The following MGA variants were observed in gnomAD, a reference collection of about 807,000 sequenced individuals.
MGA encodes MAX dimerization protein MGA.
MGA carries 40 observed loss-of-function variants against 261.1 expected under a neutral mutation model. The observed-to-expected ratio is 0.15, with a 90% CI of 0.12 to 0.20. The LOEUF is 0.20. MGA is among the 10% of genes least tolerant of loss of function. The pLI is 1.00. For missense variants in MGA, 3,397 were observed against 3,630.5 expected (o/e 0.94, Z 1.65); for synonymous variants, 1,302 against 1,290.6 (o/e 1.01, Z -0.19).
chr15:41,731,089 C>T (rs915345631), intron 11 of MGA, among the ~76,000 whole-genome samples: 1 of 152,102 alleles, frequency 6.6e-6, no homozygotes, highest in Admixed American at 6.6e-5. Context: ...TTAAGGGCAG[C>T]ATTAATGCCA....
chr15:41,707,860 G>C lies in MGA; in HGVS notation c.2320+1G>C. On this transcript the variant is annotated splice_donor_variant, in intron 6 of 23. Transcript: ENST00000219905. LOFTEE classifies it high-confidence loss of function. ...ACAGGAACCAACCCTGCCTCTCCTG[G>C]TGAGTATGTAACATTTGTAAAGTCA... The C allele has an allele frequency of 6.2e-7, 1 of 1,608,112 alleles. No individual in the cohort carries two copies. Among genetic ancestry groups the C allele is most frequent in the Non-Finnish European group, 8.5e-7 (1 of 1,178,306 alleles).
intron 14 of MGA, 121 bp from the exon 15 acceptor site, chr15:41,742,425 A>G: frequency 8.6e-7 from 1 of 1,159,718 alleles, no homozygotes; most frequent in Non-Finnish European, 1.2e-6. Context: ...CAAATAATAC[A>G]GGTAGGTAGT....
chr15:41,754,667 C>A, intron 18 of MGA, 100 bp downstream of exon 18: 1 of 1,305,236 alleles, frequency 7.7e-7, no homozygotes, highest in Non-Finnish European at 1.0e-6. Context: ...CATCTGGTTC[C>A]TTCTTCCTCT....
intron 1 of MGA, among the ~76,000 whole-genome samples, chr15:41,628,442 T>C (rs2056510595): frequency 6.8e-6 from 1 of 146,414 alleles, no homozygotes; most frequent in Non-Finnish European, 1.5e-5. Context: ...GGTTTGGTGG[T>C]TCTTTTAGGT....
chr15:41,695,947 T>A, intron 2 of MGA, 128 bp from the exon 3 acceptor site: 1 of 705,648 alleles, frequency 1.4e-6, no homozygotes, highest in Non-Finnish European at 2.3e-6. Context: ...TTTGAGTGTT[T>A]TTGAGGAATG....
intron 1 of MGA, among the ~76,000 whole-genome samples, chr15:41,640,526 G>T (rs2056800151): frequency 6.8e-6 from 1 of 147,448 alleles, no homozygotes; most frequent in Non-Finnish European, 1.5e-5. Flanking sequence ...TTTCCTCTTA[G>T]TTTTTTTTTT....
rs186253530 is a variant in MGA at position 41,740,178 on chromosome 15, G to A, written c.4560G>A (p.Ala1520=). 7.4e-6 allele frequency: 12 copies of A among 1,613,940 alleles called. No individual in the cohort carries two copies. The African/African-American group carries it at 8.0e-5, about 11-fold the overall frequency. Residue 1520 remains alanine, a synonymous_variant, in exon 14 of 24, where the codon GCG becomes GCA. Transcript: ENST00000219905. ...ATCGCCCTGGGAAGAATCTGAAGGCGTTTGTCCCAGCAAAACGGCCAATTG... is the reference window on the plus strand; with the variant it reads ...ATCGCCCTGGGAAGAATCTGAAGGCATTTGTCCCAGCAAAACGGCCAATTG...
chr15:41,724,611 G>A (rs1425769403), intron 9 of MGA, among the ~76,000 whole-genome samples: 1 of 152,164 alleles, frequency 6.6e-6, no homozygotes, highest in East Asian at 1.9e-4. Context: ...CTTGAGTCAG[G>A]GAGGCCAGGG....
chr15:41,729,352 G>A lies in MGA; in HGVS notation c.3843+3G>A, dbSNP rs2061393647. On this transcript the variant is annotated splice_donor_region_variant and intron_variant, in intron 11 of 23. Coordinates refer to ENST00000219905, the MANE Select transcript of MGA (RefSeq NM_001164273.2). ...CTGAGAACCATAATAATGCAAAGGT[G>A]AGTTTCTTGTTGCATAAGTTCTTTT... 1 of 1,603,278 alleles carries A rather than the reference G, an allele frequency of 6.2e-7. No homozygotes were observed. Among genetic ancestry groups the A allele is most frequent in the Middle Eastern group, 1.7e-4 (1 of 6,030 alleles).
intron 1 of MGA, among the ~76,000 whole-genome samples, chr15:41,627,476 A>C (rs2056483538): frequency 6.6e-6 from 1 of 152,192 alleles, no homozygotes; most frequent in Non-Finnish European, 1.5e-5. Context: ...TTTCATCATT[A>C]GACTGGGGTT....
chr15:41,632,114 G>A (rs901673473), intron 1 of MGA, among the ~76,000 whole-genome samples: 18 of 152,056 alleles, frequency 1.2e-4, no homozygotes, highest in African/African-American at 3.4e-4. Context: ...TCCCTCATAC[G>A]CAACTTGTTT....
intron 9 of MGA, among the ~76,000 whole-genome samples, chr15:41,719,576 A>T (rs928604253): frequency 6.6e-6 from 1 of 152,066 alleles, no homozygotes; most frequent in Non-Finnish European, 1.5e-5. Context: ...CCCTGTCTCT[A>T]CCAAAAATAC....
At chr15:41,753,099 T>C (rs2151943172) in intron 17 of MGA, among the ~76,000 whole-genome samples, 1 of 152,306 alleles carries the variant, frequency 6.6e-6, no homozygotes, top group Non-Finnish European at 1.5e-5. Flanking sequence ...TGGAAGTTAT[T>C]GGAATATTAT....
intron 2 of MGA, among the ~76,000 whole-genome samples, chr15:41,688,459 T>C (rs569905386): frequency 6.6e-5 from 10 of 152,350 alleles, no homozygotes; most frequent in African/African-American, 2.4e-4. Flanking sequence ...TTTATCTTTT[T>C]CCCTCCTTGT....
intron 23 of MGA, among the ~76,000 whole-genome samples, chr15:41,765,792 A>AG (rs1299517054): frequency 2.6e-5 from 4 of 152,206 alleles, no homozygotes; most frequent in Non-Finnish European, 4.4e-5. Flanking sequence ...AATGGTGGAA[A>AG]GAGCCTTTTG....
intron 7 of MGA, among the ~76,000 whole-genome samples, chr15:41,710,254 T>C (rs920930618): frequency 3.1e-4 from 47 of 152,182 alleles, no homozygotes; most frequent in African/African-American, 1.1e-3. Context: ...AATAATATAA[T>C]GTGATAGTTT....
At position 41,729,233 on chromosome 15, in the gene MGA, G is replaced by C. The variant is rs768059485; in HGVS notation, c.3727G>C (p.Val1243Leu). Reference sequence around the variant, plus strand: ...TATGATGACTTGTGCTCGAGTTCGAGTATATGAGCGAAAAAAAGAGGACCA... The same window carrying C: ...TATGATGACTTGTGCTCGAGTTCGACTATATGAGCGAAAAAAAGAGGACCA... Residue 1243 changes from valine (V) to leucine (L), a missense_variant, in exon 11 of 24, where the codon GTA becomes CTA. By Grantham distance (32) the Val-to-Leu change is conservative. Around this residue, in one of 9 missense-constraint regions of MGA, gnomAD observed 4 missense variants for 20.6 expected, o/e 0.19. Transcript: ENST00000219905. The C allele has an allele frequency of 2.5e-6, 4 of 1,613,808 alleles. No homozygotes were observed. Among genetic ancestry groups the C allele is most frequent in the Admixed American group, 3.3e-5 (2 of 60,004 alleles).
chr15:41,760,170 G>T (rs2063372445), intron 19 of MGA, 153 bp from the exon 20 acceptor site: 1 of 659,992 alleles, frequency 1.5e-6, no homozygotes, highest in African/African-American at 1.8e-5. Context: ...TTGAAGGAAG[G>T]ATAGACTGGT....
intron 1 of MGA, among the ~76,000 whole-genome samples, chr15:41,651,205 G>C (rs2150712062): frequency 6.6e-6 from 1 of 152,232 alleles, no homozygotes; most frequent in East Asian, 1.9e-4. Flanking sequence ...TCCTTACTAA[G>C]GCCCCACCTC....
Sources: allele counts gnomAD v4.1 joint callset (sites outside exome capture counted in the v4.1 genomes callset), GRCh38; gene constraint gnomAD v4.1.1; regional missense constraint gnomAD v4.1.1; transcripts MANE v1.5; gene names NCBI Gene and HGNC (gene_info 2026-07-23, HGNC 2026-07-21).